Variants in GLI3 observed in about 807,000 individuals in gnomAD.
GLI3 encodes the protein transcription activator GLI3.
In GLI3, 20 loss-of-function variants were observed where a neutral mutation model predicts 100.8. That is an observed-to-expected ratio of 0.20 (90% CI 0.14 to 0.29). The LOEUF (loss-of-function observed/expected upper bound fraction) is 0.29, where lower values mean the gene tolerates loss of function less well. Among genes scored for constraint, GLI3 ranks in the 10% least tolerant of loss-of-function variants. The pLI is 1.00. For missense variants in GLI3, 2,040 were observed against 2,128.5 expected (o/e 0.96, Z 0.82); for synonymous variants, 938 against 860.5 (o/e 1.09, Z -1.58).
At position 42,209,817 on chromosome 7, in the gene GLI3, TCTC is replaced by T. The variant is rs1176510181; in HGVS notation, c.124+13310_124+13312del. 7.2e-4 allele frequency among the ~76,000 whole-genome samples: 85 copies of T among 118,260 alleles called. 1 individual carries two copies. Among genetic ancestry groups the T allele is most frequent in the African/African-American group, 2.1e-3 (80 of 38,106 alleles). The allele number at this position is 118,260 out of a possible 152,430, so 77.6% of individuals were successfully genotyped here. A position where few individuals can be genotyped will look rare whatever the true frequency, so the allele number is the denominator to read the frequency against. On this transcript the variant is annotated intron_variant, in intron 2 of 14. Coordinates refer to ENST00000395925, the MANE Select transcript of GLI3 (RefSeq NM_000168.6). ...GTTTCCTAATCACTGAGAGGTTCTCTCTCTTTTTTTTTTTTTTTGAGACAGTCT... is the reference window on the plus strand; with the variant it reads ...GTTTCCTAATCACTGAGAGGTTCTCTTTTTTTTTTTTTTTTGAGACAGTCT...
At chr7:42,080,351 T>C (rs535668685) in intron 3 of GLI3, among the ~76,000 whole-genome samples, 2 of 152,352 alleles carry the variant, frequency 1.3e-5, no homozygotes, top group South Asian at 4.1e-4. Flanking sequence ...CTTATTTATG[T>C]CCCAAGAAAA....
intron 3 of GLI3, chr7:42,113,730 AT>A (rs1182731781): frequency 1.3e-5 from 8 of 619,786 alleles, no homozygotes; most frequent in Non-Finnish European, 2.4e-5. Context: ...ACTTTAAGCT[AT>A]GTTGTTAGCA....
chr7:42,064,838 G>C (rs531263600), intron 4 of GLI3, among the ~76,000 whole-genome samples: 8 of 152,282 alleles, frequency 5.3e-5, no homozygotes, highest in Middle Eastern at 3.4e-3. Context: ...TGAAGAAGCA[G>C]CTTGATCCTG....
chr7:41,989,712 T>G (rs1206735542), intron 10 of GLI3, among the ~76,000 whole-genome samples: 1 of 151,974 alleles, frequency 6.6e-6, no homozygotes, highest in East Asian at 1.9e-4. Flanking sequence ...TAATAGCAAT[T>G]TTACTATTCA....
At chr7:42,172,363 T>A (rs528707756) in intron 2 of GLI3, 85 of 593,680 alleles carry the variant, frequency 1.4e-4, no homozygotes, top group Middle Eastern at 1.0e-3. Context: ...GATCCGCATG[T>A]CTTAACTCAC....
At chr7:42,245,511 G>A (rs1245864739) in intron 1 of GLI3, among the ~76,000 whole-genome samples, 2 of 151,952 alleles carry the variant, frequency 1.3e-5, no homozygotes, top group Non-Finnish European at 2.9e-5. Context: ...AACCCTGCCT[G>A]TACTAAAAAA....
chr7:42,023,361 C>A (rs138426513), intron 10 of GLI3, 107 bp downstream of exon 10: 12 of 1,163,086 alleles, frequency 1.0e-5, no homozygotes, highest in Non-Finnish European at 1.3e-5. Flanking sequence ...CTCCAGTTCG[C>A]AATGCGGCTC....
intron 3 of GLI3, among the ~76,000 whole-genome samples, chr7:42,104,718 G>A (rs907906145): frequency 5.3e-5 from 8 of 152,104 alleles, no homozygotes; most frequent in African/African-American, 1.9e-4. Flanking sequence ...CCAATGTAAT[G>A]GTATTTGGCA....
chr7:41,999,728 C>T (rs570807030), intron 10 of GLI3, among the ~76,000 whole-genome samples: 2 of 152,222 alleles, frequency 1.3e-5, no homozygotes, highest in Non-Finnish European at 2.9e-5. Context: ...TGAGTCTATC[C>T]TCTGTTTGGT....
At chr7:42,007,809 C>T (rs1439111644) in intron 10 of GLI3, among the ~76,000 whole-genome samples, 3 of 152,150 alleles carry the variant, frequency 2.0e-5, no homozygotes, top group Non-Finnish European at 4.4e-5. Flanking sequence ...CACATTCTTA[C>T]CCCATGTCAG....
At chr7:42,110,275 C>T (rs1159218076) in intron 3 of GLI3, among the ~76,000 whole-genome samples, 6 of 152,048 alleles carry the variant, frequency 3.9e-5, no homozygotes, top group Non-Finnish European at 2.9e-5. Flanking sequence ...TTAAAAATTC[C>T]TTTTACAACC....
At chr7:42,240,666 C>T (rs757563707), upstream of GLI3, among the ~76,000 whole-genome samples, 13 of 152,128 alleles carry the variant, frequency 8.5e-5, no homozygotes, top group Non-Finnish European at 1.8e-4. Flanking sequence ...AGAGACCCAC[C>T]CTACTCCAGA....
chr7:42,057,879 A>G (rs1371698178), intron 4 of GLI3, among the ~76,000 whole-genome samples: 1 of 152,104 alleles, frequency 6.6e-6, no homozygotes, highest in Non-Finnish European at 1.5e-5. Flanking sequence ...ACTGAAAGGC[A>G]GCAGGGGGCG....
At chr7:42,075,668 A>T (rs763924939) in intron 4 of GLI3, among the ~76,000 whole-genome samples, 27 of 152,302 alleles carry the variant, frequency 1.8e-4, no homozygotes, top group Non-Finnish European at 3.4e-4. Context: ...ATGCTTATAG[A>T]AGTCTGCAAC....
chr7:42,118,385 A>G (rs1785912341), intron 3 of GLI3: 1 of 398,358 alleles, frequency 2.5e-6, no homozygotes, highest in African/African-American at 2.1e-5. Context: ...TACAAAGTTT[A>G]GAGAAAATGA....
At chr7:42,260,078 A>G (rs1789123602) in intron 1 of GLI3, among the ~76,000 whole-genome samples, 1 of 152,232 alleles carries the variant, frequency 6.6e-6, no homozygotes, top group Non-Finnish European at 1.5e-5. Flanking sequence ...AATATTTGTC[A>G]GGAAGATCAT....
At chr7:41,973,328 C>T (rs754064949) in intron 12 of GLI3, among the ~76,000 whole-genome samples, 3 of 152,162 alleles carry the variant, frequency 2.0e-5, no homozygotes, top group South Asian at 2.1e-4. Context: ...AGAGGGCTGA[C>T]GGATGTTCTG....
chr7:42,065,697 A>T (rs867368946), intron 4 of GLI3, among the ~76,000 whole-genome samples: 13 of 152,114 alleles, frequency 8.5e-5, no homozygotes, highest in African/African-American at 3.1e-4. Flanking sequence ...AATTCTTTAG[A>T]TATGTAAATT....
At chr7:42,175,344 A>G (rs976060365) in intron 2 of GLI3, among the ~76,000 whole-genome samples, 2 of 152,212 alleles carry the variant, frequency 1.3e-5, no homozygotes, top group African/African-American at 2.4e-5. Context: ...GGGGCTGGGT[A>G]CAGTGGCTCA....
Sources: gnomAD v4.1 joint callset for allele counts (sites outside exome capture counted in the v4.1 genomes callset) on GRCh38, gnomAD v4.1.1 for gene constraint, MANE v1.5 for transcripts, NCBI Gene and HGNC (gene_info 2026-07-23, HGNC 2026-07-21) for gene names.